GNAO1: variants seen among roughly 807,000 people sequenced by gnomAD.
GNAO1 encodes the protein G protein subunit alpha o1, also known as guanine nucleotide-binding protein G(o) subunit alpha.
For missense variants in GNAO1, 166 were observed against 478.7 expected (o/e 0.35, Z 6.10); for synonymous variants, 164 against 180.7 (o/e 0.91, Z 0.74).
rs149340779 is a variant in GNAO1, at chr16:56,199,881, A to G, written c.161+7265A>G. Among the ~76,000 whole-genome samples, 269 of 152,362 alleles carry G rather than the reference A, an allele frequency of 1.8e-3. 1 individual carries two copies. The highest frequency in any genetic ancestry group is 6.3e-3 in the African/African-American group (263 of 41,594). ...TTTCATAGCACCAAAAAATTAAAGT[A>G]AAATAAAATCTTGCAAGGCTAATAG... On this transcript the variant is annotated intron_variant, in intron 2 of 8. Transcript: ENST00000262493.
chr16:56,318,241 G>T (rs1438934163), intron 3 of GNAO1, among the ~76,000 whole-genome samples: 3 of 152,224 alleles, frequency 2.0e-5, no homozygotes, highest in Admixed American at 6.5e-5. Flanking sequence ...GAACGTGACG[G>T]TGTTTCCTCA....
At chr16:56,348,103 G>T in intron 6 of GNAO1, 1 of 974,334 alleles carries the variant, frequency 1.0e-6, no homozygotes. Flanking sequence ...AGAGTGACTT[G>T]TTGGTTTAAT....
intron 2 of GNAO1, among the ~76,000 whole-genome samples, chr16:56,219,840 G>A (rs1466347355): frequency 2.0e-5 from 3 of 152,204 alleles, no homozygotes; most frequent in African/African-American, 7.2e-5. Flanking sequence ...AGCTCCCAGA[G>A]CAATGGGGGG....
intron 2 of GNAO1, among the ~76,000 whole-genome samples, chr16:56,204,257 A>G (rs531948658): frequency 6.6e-6 from 1 of 152,200 alleles, no homozygotes; most frequent in Middle Eastern, 3.2e-3. Context: ...ACCCATAAGC[A>G]TGAATTTCAG....
chr16:56,328,988 G>A, intron 4 of GNAO1, 197 bp downstream of exon 4: 1 of 582,482 alleles, frequency 1.7e-6, no homozygotes, highest in East Asian at 2.9e-5. Context: ...GGAGAAAGAG[G>A]CCAGAGGAGG....
intron 2 of GNAO1, among the ~76,000 whole-genome samples, chr16:56,220,905 G>A (rs1179961692): frequency 2.0e-5 from 3 of 152,030 alleles, no homozygotes; most frequent in Admixed American, 6.5e-5. Context: ...CTGCCACCGC[G>A]ACCTGCTGAT....
intron 2 of GNAO1, among the ~76,000 whole-genome samples, chr16:56,253,281 C>CT (rs1461445849): frequency 6.6e-6 from 1 of 152,182 alleles, no homozygotes; most frequent in African/African-American, 2.4e-5. Context: ...CCTCCTGCCA[C>CT]TTTGTCTTAT....
chr16:56,210,997 AT>A (rs1187751253), intron 2 of GNAO1, among the ~76,000 whole-genome samples: 1 of 152,128 alleles, frequency 6.6e-6, no homozygotes, highest in Non-Finnish European at 1.5e-5. Flanking sequence ...TATAATTCTA[AT>A]AGTTAATTTG....
chr16:56,284,399 G>A (rs2143542217), intron 3 of GNAO1, among the ~76,000 whole-genome samples: 1 of 152,324 alleles, frequency 6.6e-6, no homozygotes, highest in East Asian at 1.9e-4. Context: ...CTGCCACAAG[G>A]AGCCTGAGAC....
chr16:56,281,068 ATTT>A (rs1289122063), intron 3 of GNAO1, among the ~76,000 whole-genome samples: 1 of 152,096 alleles, frequency 6.6e-6, no homozygotes, highest in East Asian at 1.9e-4. Context: ...TGTTGTCCTC[ATTT>A]TATAGGTTAA....
intron 2 of GNAO1, among the ~76,000 whole-genome samples, chr16:56,238,486 C>T (rs569695655): frequency 6.6e-6 from 1 of 152,344 alleles, no homozygotes; most frequent in South Asian, 2.1e-4. Context: ...TTCCTCCCCA[C>T]CTTGTTGACT....
intron 6 of GNAO1, chr16:56,347,355 A>G (rs1315000630): frequency 2.0e-6 from 2 of 985,430 alleles, no homozygotes; most frequent in Non-Finnish European, 2.4e-6. Context: ...GTCAGGCCGC[A>G]AGCCTAGAGC....
intron 6 of GNAO1, chr16:56,344,325 G>A: frequency 4.5e-6 from 5 of 1,099,886 alleles, no homozygotes; most frequent in Non-Finnish European, 5.6e-6. Flanking sequence ...TGGTGCAGGG[G>A]CGCAGATGGC....
In GNAO1 at chr16:56,192,050, A is replaced by C; in HGVS notation, c.-186A>C. The C allele has an allele frequency of 1.7e-6, 1 of 575,326 alleles. No homozygotes were observed. 35.6% of individuals were successfully genotyped at this position (575,326 alleles called of 1,614,324 possible). A position where few individuals can be genotyped will look rare whatever the true frequency, so the allele number is the denominator to read the frequency against. ...GCTGCCGCGAGTCTCCGCTGCTGGAATCTTGTTAGCGGCTGTCTTTTTGGA... is the reference window on the plus strand; with the variant it reads ...GCTGCCGCGAGTCTCCGCTGCTGGACTCTTGTTAGCGGCTGTCTTTTTGGA... On this transcript the variant is annotated 5_prime_UTR_variant, in exon 1 of 9. Coordinates refer to ENST00000262493, the MANE Select transcript of GNAO1 (RefSeq NM_020988.3).
chr16:56,312,808 A>G (rs1000069078), intron 3 of GNAO1, among the ~76,000 whole-genome samples: 3 of 152,164 alleles, frequency 2.0e-5, no homozygotes, highest in African/African-American at 4.8e-5. Flanking sequence ...GTGAGATGAG[A>G]TGGCTCAGTG....
At chr16:56,232,685 A>G (rs1312674369) in intron 2 of GNAO1, among the ~76,000 whole-genome samples, 2 of 152,220 alleles carry the variant, frequency 1.3e-5, no homozygotes, top group East Asian at 3.8e-4. Flanking sequence ...GGGAGTACTC[A>G]GCACTTACTT....
chr16:56,294,899 G>T (rs56143613), intron 3 of GNAO1, among the ~76,000 whole-genome samples: 2 of 152,058 alleles, frequency 1.3e-5, no homozygotes, highest in East Asian at 3.9e-4. Flanking sequence ...TTTGGGCCAT[G>T]CGTATATCTT....
Position 56,351,349 on chromosome 16 carries a change from T to C in GNAO1, c.724-35T>C. The C allele has an allele frequency of 1.9e-6, 3 of 1,551,330 alleles. No homozygotes were observed. The highest frequency in any genetic ancestry group is 2.7e-5 in the African/African-American group (2 of 73,780). ...CCCTGTCTCTGTGTCTCCCTCCCGC[T>C]GTCTGTCCTCTCTCCTCCCTTCCTG... On this transcript the variant is annotated intron_variant, in intron 6 of 8. Coordinates refer to ENST00000262493, the MANE Select transcript of GNAO1 (RefSeq NM_020988.3). The surrounding 1 kb of genome is among the most constrained non-coding windows in gnomAD (Gnocchi z 6.1).
At chr16:56,347,415 G>A (rs1487143802) in intron 6 of GNAO1, 9 of 985,552 alleles carry the variant, frequency 9.1e-6, no homozygotes, top group South Asian at 4.7e-5. Flanking sequence ...AGCTGCTGCC[G>A]TGGGGTCTGT....
Sources: gnomAD v4.1 joint callset for allele counts (sites outside exome capture counted in the v4.1 genomes callset) on GRCh38, gnomAD v4.1.1 for gene constraint, Gnocchi (gnomAD v3.1) non-coding constraint, MANE v1.5 for transcripts, NCBI Gene and HGNC (gene_info 2026-07-23, HGNC 2026-07-21) for gene names.